DMD: variants seen among roughly 807,000 people sequenced by gnomAD.
The protein encoded by DMD is mutant dystrophin.
DMD carries 63 observed loss-of-function variants against 330.1 expected under a neutral mutation model. The ratio of observed to expected loss-of-function variants is 0.19; its 90% CI spans 0.16 to 0.24. The LOEUF (loss-of-function observed/expected upper bound fraction) is 0.24, where lower values mean the gene tolerates loss of function less well. Among genes scored for constraint, DMD ranks in the 10% least tolerant of loss-of-function variants. The pLI is 1.00. For missense variants in DMD, 3,344 were observed against 2,684.1 expected, an observed-to-expected ratio of 1.25 and a Z score of -5.43; for synonymous variants, 1,223 against 959.8, an observed-to-expected ratio of 1.27 and a Z score of -5.07.
intron 52 of DMD, among the ~76,000 whole-genome samples, chrX:31,690,311 T>C (rs866593032): frequency 1.3e-4 from 15 of 112,002 alleles, no homozygotes; most frequent in Non-Finnish European, 2.8e-4. Flanking sequence ...GGGCGAAGGA[T>C]ATGAACAGAC....
chrX:32,584,837 T>C (rs1174902054), intron 13 of DMD, among the ~76,000 whole-genome samples: 1 of 111,868 alleles, frequency 8.9e-6, no homozygotes, highest in African/African-American at 3.3e-5. Flanking sequence ...TTTTTCTGGA[T>C]GTGGAATCAT....
At chrX:33,029,548 A>G (rs146157191) in intron 1 of DMD, among the ~76,000 whole-genome samples, 3 of 111,928 alleles carry the variant, frequency 2.7e-5, no homozygotes, top group African/African-American at 9.7e-5. Flanking sequence ...ACCAGATTGG[A>G]AAGCCATGTC....
At chrX:33,203,302 A>C (rs2051384854) in intron 1 of DMD, among the ~76,000 whole-genome samples, 1 of 112,361 alleles carries the variant, frequency 8.9e-6, no homozygotes, top group South Asian at 3.6e-4. Context: ...AATTGAGACT[A>C]TGATAAATGT....
At position 32,853,468 on chromosome X, in the gene DMD, T is replaced by G. The variant is rs149762498; in HGVS notation, c.94-3648A>C. 7.7e-4 allele frequency among the ~76,000 whole-genome samples: 86 copies of G among 111,398 alleles called. 1 individual carries two copies. The East Asian group carries it at 0.02, about 26-fold the overall frequency. On this transcript the variant is annotated intron_variant, in intron 2 of 78. Transcript: ENST00000357033. ...AGATTAAAAGAGACGAAGTTTGAGT[T>G]TTTAATTAGTTTTCTCTTTGCTTTC...
intron 18 of DMD, among the ~76,000 whole-genome samples, chrX:32,505,146 C>T: frequency 9.0e-6 from 1 of 110,911 alleles, no homozygotes; most frequent in East Asian, 2.8e-4. Context: ...AAGGGATGAT[C>T]CATGAAAGAA....
intron 44 of DMD, among the ~76,000 whole-genome samples, chrX:32,015,294 G>A (rs1438601627): frequency 6.3e-5 from 7 of 111,521 alleles, no homozygotes; most frequent in Non-Finnish European, 1.3e-4. Context: ...AGTTTTCTTG[G>A]CCCTACTCCC....
chrX:32,217,174 T>C (rs2097115423), intron 43 of DMD, 111 bp from the exon 44 acceptor site: 1 of 747,659 alleles, frequency 1.3e-6, no homozygotes, highest in Non-Finnish European at 2.0e-6. Flanking sequence ...ACTCTGATAG[T>C]TTCCTGCATT....
intron 7 of DMD, among the ~76,000 whole-genome samples, chrX:32,733,745 C>G (rs1203659070): frequency 1.8e-5 from 2 of 108,595 alleles, no homozygotes; most frequent in African/African-American, 3.4e-5. Context: ...ACCAGAATCT[C>G]TGGGACACAT....
At chrX:31,377,986 C>T (rs374616803) in intron 60 of DMD, among the ~76,000 whole-genome samples, 1 of 110,913 alleles carries the variant, frequency 9.0e-6, no homozygotes, top group African/African-American at 3.3e-5. Context: ...CACTCCTGCC[C>T]GCCAGAAAAC....
intron 36 of DMD, 114 bp downstream of exon 36, chrX:32,364,468 G>A: frequency 1.1e-6 from 1 of 875,600 alleles, no homozygotes; most frequent in Non-Finnish European, 1.6e-6. Context: ...GATAAAGGAA[G>A]GAAGAAAGGA....
intron 63 of DMD, among the ~76,000 whole-genome samples, chrX:31,242,262 CAAAAAAA>C (rs72176984): frequency 8.1e-5 from 2 of 24,643 alleles, no homozygotes; most frequent in Admixed American, 7.9e-4. Context: ...TCTCAAAAAG[CAAAAAAA>C]AAAAAAAAAA....
In DMD at chrX:33,330,148, G is replaced by A. The variant is rs1176076813; in HGVS notation, c.7+9111C>T. ...AAGAGGAGAGAGAGAGACTTTTTTCGATAATTAAATTCTTTAGAAAATGTA... is the reference window on the plus strand; with the variant it reads ...AAGAGGAGAGAGAGAGACTTTTTTCAATAATTAAATTCTTTAGAAAATGTA... On this transcript the variant is annotated intron_variant, in intron 1 of 17. Coordinates refer to the DMD transcript ENST00000288447. Among the ~76,000 whole-genome samples the A allele has an allele frequency of 9.0e-5, 10 of 110,597 alleles. 2 individuals carry two copies. The highest frequency in any genetic ancestry group is 6.8e-4 in the Admixed American group (7 of 10,369).
intron 53 of DMD, among the ~76,000 whole-genome samples, chrX:31,668,137 T>C (rs1415617493): frequency 1.8e-5 from 2 of 112,212 alleles, no homozygotes; most frequent in Non-Finnish European, 3.8e-5. Flanking sequence ...TGTTGTTGAA[T>C]TATGAGTTTT....
chrX:32,646,412 G>C (rs980328594), intron 9 of DMD, among the ~76,000 whole-genome samples: 1 of 111,448 alleles, frequency 9.0e-6, no homozygotes, highest in Admixed American at 9.6e-5. Flanking sequence ...TTACGGAGGT[G>C]AGCAGAACAA....
At chrX:32,456,579 T>TGA (rs1491237455) in intron 25 of DMD, among the ~76,000 whole-genome samples, 11 of 3,002 alleles carry the variant, frequency 3.7e-3, no homozygotes, top group African/African-American at 0.011. Flanking sequence ...ATACATACTT[T>TGA]GTGTGTGTGT....
rs1466492946 is a variant in DMD, at chrX:33,146,736, C to T, written c.31+64546G>A. 2.7e-5 allele frequency among the ~76,000 whole-genome samples: 3 copies of T among 111,924 alleles called. No homozygotes were observed. The East Asian group carries it at 8.4e-4, about 31-fold the overall frequency. ...TGCAGATAATTAACATCATTTCAAT[C>T]CACAAAAATAGGCTTAGTCCTCAAT... On this transcript the variant is annotated intron_variant, in intron 1 of 78. Coordinates refer to ENST00000357033, the MANE Select transcript of DMD (RefSeq NM_004006.3).
chrX:33,063,517 C>T, intron 1 of DMD, among the ~76,000 whole-genome samples: 1 of 111,839 alleles, frequency 8.9e-6, no homozygotes, highest in Non-Finnish European at 1.9e-5. Flanking sequence ...AAAACACTAA[C>T]ACCGTCAGAG....
intron 11 of DMD, among the ~76,000 whole-genome samples, chrX:32,626,510 C>A (rs755424013): frequency 9.5e-6 from 1 of 105,082 alleles, no homozygotes; most frequent in South Asian, 3.8e-4. Context: ...CTCAAAAATT[C>A]TAGCAAGGTG....
rs72468690 is a variant in DMD, at chrX:32,518,437, C to T, written c.2169-306G>A. Among the ~76,000 whole-genome samples the T allele has an allele frequency of 4.9e-3, 534 of 108,915 alleles. No individual in the cohort carries two copies. Among genetic ancestry groups the T allele is most frequent in the Middle Eastern group, 9.2e-3 (2 of 217 alleles). 94.6% of individuals were successfully genotyped at this position (108,915 alleles called of 115,157 possible). A position where few individuals can be genotyped will look rare whatever the true frequency, so the allele number is the denominator to read the frequency against. ...AATGTTTCCACTATTTGAAAAAGTA[C>T]TACTTCCCACGATAACCTTTTCTTT... On this transcript the variant is annotated intron_variant, in intron 17 of 78. Transcript: ENST00000357033.
Sources: allele counts gnomAD v4.1 joint callset (sites outside exome capture counted in the v4.1 genomes callset), GRCh38; gene constraint gnomAD v4.1.1; transcripts MANE v1.5; gene names NCBI Gene and HGNC (gene_info 2026-07-23, HGNC 2026-07-21).